NRG3: variants seen among roughly 807,000 people sequenced by gnomAD.
The protein encoded by NRG3 is pro-neuregulin-3, membrane-bound isoform.
A neutral mutation model predicts 66.9 loss-of-function variants in NRG3; 31 were observed. The ratio of observed to expected loss-of-function variants is 0.46; its 90% CI spans 0.35 to 0.63. The LOEUF is 0.63. NRG3 is among the 20% of genes least tolerant of loss of function. The pLI, the probability that NRG3 is intolerant of heterozygous loss-of-function variation, is 0.00. For missense variants in NRG3, 910 were observed against 878.9 expected (o/e 1.04, Z -0.45); for synonymous variants, 393 against 359.4 (o/e 1.09, Z -1.06).
At chr10:82,586,375 A>T (rs571328548) in intron 2 of NRG3, among the ~76,000 whole-genome samples, 1 of 152,320 alleles carries the variant, frequency 6.6e-6, no homozygotes, top group South Asian at 2.1e-4. Flanking sequence ...TCAAAACCGT[A>T]TTCCCAAAAT....
At chr10:82,087,272 G>A (rs1243602805) in intron 1 of NRG3, among the ~76,000 whole-genome samples, 1 of 152,010 alleles carries the variant, frequency 6.6e-6, no homozygotes, top group Non-Finnish European at 1.5e-5. Flanking sequence ...CAGAGACACT[G>A]TTTTGGCTTT....
chr10:82,498,139 T>C (rs1843791580), intron 2 of NRG3, among the ~76,000 whole-genome samples: 2 of 152,118 alleles, frequency 1.3e-5, no homozygotes, highest in South Asian at 4.1e-4. Context: ...GTATTAGATA[T>C]TAATCCTTCA....
At chr10:82,782,193 T>C (rs1355790584) in intron 3 of NRG3, among the ~76,000 whole-genome samples, 1 of 152,158 alleles carries the variant, frequency 6.6e-6, no homozygotes, top group African/African-American at 2.4e-5. Context: ...TTTAAAGAGA[T>C]GATTAAGTCA....
At chr10:82,643,606 G>C (rs1211222826) in intron 2 of NRG3, among the ~76,000 whole-genome samples, 1 of 151,982 alleles carries the variant, frequency 6.6e-6, no homozygotes, top group African/African-American at 2.4e-5. Flanking sequence ...GTGAGGCCTT[G>C]AAAGAAACTT....
intron 2 of NRG3, among the ~76,000 whole-genome samples, chr10:82,642,871 A>G (rs889106422): frequency 1.3e-5 from 2 of 151,972 alleles, no homozygotes; most frequent in Admixed American, 6.6e-5. Flanking sequence ...TAGTGTGTTT[A>G]TGTGTCTATG....
chr10:82,780,024 A>G (rs1042297604), intron 3 of NRG3, among the ~76,000 whole-genome samples: 1 of 152,104 alleles, frequency 6.6e-6, no homozygotes, highest in Middle Eastern at 3.2e-3. Context: ...TTCCAGTTTC[A>G]TCCATGTTCC....
At chr10:82,949,919 A>G (rs1048539774) in intron 4 of NRG3, among the ~76,000 whole-genome samples, 1 of 152,110 alleles carries the variant, frequency 6.6e-6, no homozygotes, top group Non-Finnish European at 1.5e-5. Flanking sequence ...GGAAACCATA[A>G]CTAGTATTAA....
intron 2 of NRG3, among the ~76,000 whole-genome samples, chr10:82,666,041 T>C (rs985795565): frequency 1.3e-5 from 2 of 152,202 alleles, no homozygotes; most frequent in African/African-American, 4.8e-5. Context: ...TTTGTATTTT[T>C]AGTAGAGACA....
intron 2 of NRG3, among the ~76,000 whole-genome samples, chr10:82,428,633 G>A (rs1329487002): frequency 1.3e-5 from 2 of 151,860 alleles, no homozygotes; most frequent in South Asian, 4.1e-4. Context: ...GTCCTAATAT[G>A]CAATCTATCC....
At chr10:82,768,099 A>C (rs1443577050) in intron 3 of NRG3, among the ~76,000 whole-genome samples, 1 of 152,144 alleles carries the variant, frequency 6.6e-6, no homozygotes, top group Non-Finnish European at 1.5e-5. Context: ...CTCCTTTCTA[A>C]AGGCGGATGC....
At chr10:82,110,861 C>A (rs2067343747) in intron 1 of NRG3, among the ~76,000 whole-genome samples, 1 of 151,520 alleles carries the variant, frequency 6.6e-6, no homozygotes, top group African/African-American at 2.4e-5. Context: ...TTGAAGTCAT[C>A]AGAATATAGT....
intron 4 of NRG3, among the ~76,000 whole-genome samples, chr10:82,876,324 A>C (rs1477605876): frequency 6.6e-6 from 1 of 152,202 alleles, no homozygotes. Flanking sequence ...AATATGGTGA[A>C]ACATTAATTA....
chr10:82,691,494 G>A (rs1247814040), intron 2 of NRG3, among the ~76,000 whole-genome samples: 1 of 152,146 alleles, frequency 6.6e-6, no homozygotes, highest in East Asian at 1.9e-4. Flanking sequence ...CATGATTCCA[G>A]ATCTCACTGA....
intron 4 of NRG3, among the ~76,000 whole-genome samples, chr10:82,904,478 G>A (rs1173275109): frequency 6.6e-6 from 1 of 152,168 alleles, no homozygotes; most frequent in African/African-American, 2.4e-5. Context: ...AGGGAGCTTG[G>A]TGGGGAAGAT....
At chr10:82,574,006 A>G (rs1173005105) in intron 2 of NRG3, among the ~76,000 whole-genome samples, 1 of 151,802 alleles carries the variant, frequency 6.6e-6, no homozygotes, top group African/African-American at 2.4e-5. Context: ...ATGGAACTAC[A>G]ATATGATCCA....
chr10:82,517,248 A>G (rs1247397831), intron 2 of NRG3, among the ~76,000 whole-genome samples: 2 of 152,124 alleles, frequency 1.3e-5, no homozygotes, highest in Non-Finnish European at 2.9e-5. Flanking sequence ...ACAGTTCTAT[A>G]CACACTCTGT....
At chr10:82,150,530 C>CAAAAAAAAAAAAAAAAAAAAGAAAA (rs2070648247) in intron 1 of NRG3, among the ~76,000 whole-genome samples, 1 of 26,680 alleles carries the variant, frequency 3.7e-5, no homozygotes, top group African/African-American at 1.5e-4. Context: ...AGAGCACACA[C>CAAAAAAAAAAAAAAAAAAAAGAAAA]AAAAAAAAAA....
At chr10:82,554,785 C>A (rs1158619915) in intron 2 of NRG3, among the ~76,000 whole-genome samples, 2 of 152,134 alleles carry the variant, frequency 1.3e-5, no homozygotes, top group Non-Finnish European at 2.9e-5. Context: ...TTAATTGGAT[C>A]TTGTGTAACC....
At chr10:82,429,990 C>T (rs2089691233) in intron 2 of NRG3, among the ~76,000 whole-genome samples, 1 of 152,068 alleles carries the variant, frequency 6.6e-6, no homozygotes, top group Middle Eastern at 3.2e-3. Context: ...GTTGTTGTTA[C>T]CATGTCATTC....
Sources: gnomAD v4.1 joint callset for allele counts (sites outside exome capture counted in the v4.1 genomes callset) on GRCh38, gnomAD v4.1.1 for gene constraint, MANE v1.5 for transcripts, NCBI Gene and HGNC (gene_info 2026-07-23, HGNC 2026-07-21) for gene names.